NRXN1: variants seen among roughly 807,000 people sequenced by gnomAD.
NRXN1 encodes neurexin 1.
NRXN1 carries 39 observed loss-of-function variants against 150.9 expected under a neutral mutation model. That is an observed-to-expected ratio of 0.26 (90% confidence interval 0.20 to 0.34). The LOEUF is 0.34. Among genes scored for constraint, NRXN1 ranks in the 10% least tolerant of loss-of-function variants. The pLI is 1.00. For synonymous variants in NRXN1, 924 were observed against 757.0 expected, an observed-to-expected ratio of 1.22 and a Z score of -3.62; for missense variants, 1,815 against 1,949.9, an observed-to-expected ratio of 0.93 and a Z score of 1.30.
rs926907363 is a variant in NRXN1 at position 50,578,416 on chromosome 2, T to C, written c.1321-25391A>G. The stretch of plus-strand genomic sequence containing the variant: ...CCCATAACTTTTTAAAAAATTTGTT[T>C]TGAGGTCATGGGAGATTCATATAGA... On this transcript the variant is annotated intron_variant, in intron 8 of 22. Coordinates refer to ENST00000401669, the MANE Select transcript of NRXN1 (RefSeq NM_001330078.2). Among the ~76,000 whole-genome samples the C allele has an allele frequency of 2.0e-5, 3 of 152,150 alleles. 1 individual carries two copies. Among genetic ancestry groups the C allele is most frequent in the Non-Finnish European group, 4.4e-5 (3 of 68,024 alleles).
intron 18 of NRXN1, among the ~76,000 whole-genome samples, chr2:50,191,131 C>T (rs1399880949): frequency 4.0e-5 from 6 of 151,694 alleles, no homozygotes; most frequent in Admixed American, 3.9e-4. Context: ...CAGGTTCAAG[C>T]TTTTCTCCTA....
At chr2:50,503,239 C>A (rs999122087) in intron 13 of NRXN1, among the ~76,000 whole-genome samples, 1 of 150,736 alleles carries the variant, frequency 6.6e-6, no homozygotes, top group African/African-American at 2.4e-5. Flanking sequence ...ATGTAGGAGG[C>A]GGAGGCTGCA....
In NRXN1 at chr2:50,623,469, A is replaced by C; in HGVS notation, c.979T>G (p.Ser327Ala). Residue 327 changes from serine (S) to alanine (A), a missense_variant, in exon 6 of 23, where the codon TCG becomes GCG. Ser to Ala is a moderately conservative substitution (Grantham distance 99, BLOSUM62 1). Around this residue, in one of 6 missense-constraint regions of NRXN1, gnomAD observed 554 missense variants for 478.8 expected, o/e 1.16. Transcript: ENST00000401669. Reference protein sequence around the residue: ...RNGLMLHTGKSADYVNLALKN... With the variant: ...RNGLMLHTGKAADYVNLALKN... ...AGGGCAAGATTGACATAATCAGCCG[A>C]TTTCCCAGTGTGAAGCATCAGTCCA... 1 of 1,613,488 alleles carries C rather than the reference A, an allele frequency of 6.2e-7. No homozygotes were observed. Among genetic ancestry groups the C allele is most frequent in the Non-Finnish European group, 8.5e-7 (1 of 1,179,556 alleles).
At chr2:50,322,304 C>T (rs190930989) in intron 17 of NRXN1, among the ~76,000 whole-genome samples, 1 of 152,128 alleles carries the variant, frequency 6.6e-6, no homozygotes. Context: ...CCAAATACTT[C>T]GTGATTGGAA....
intron 2 of NRXN1, among the ~76,000 whole-genome samples, chr2:50,976,437 C>T (rs1337429703): frequency 2.6e-5 from 4 of 151,802 alleles, no homozygotes; most frequent in Admixed American, 2.0e-4. Context: ...AGTTTTTCTT[C>T]ACTTATGTTT....
Position 50,026,859 on chromosome 2 carries a change from CTTTTTTTTTTTTTTTTTTTTTTTTTT to C in NRXN1, c.4128+26386_4128+26411del, listed in dbSNP as rs57580154. ...TTGCATTGTTTAAGTCTTTTCTTTT[CTTTTTTTTTTTTTTTTTTTTTTTTTT>C]TTTTTTTTTTTTTGAGACGGAGTCT... On this transcript the variant is annotated intron_variant, in intron 21 of 22. Transcript: ENST00000401669. Among the ~76,000 whole-genome samples the C allele has an allele frequency of 6.4e-4, 42 of 65,242 alleles. 1 individual carries two copies. In the Admixed American group the frequency reaches 7.9e-3, roughly 12 times the overall value. The allele number at this position is 65,242 out of a possible 152,430, so 42.8% of individuals were successfully genotyped here.
At chr2:50,988,414 A>T (rs1188923230) in intron 2 of NRXN1, among the ~76,000 whole-genome samples, 1 of 151,956 alleles carries the variant, frequency 6.6e-6, no homozygotes, top group Non-Finnish European at 1.5e-5. Context: ...CTACTATGAC[A>T]AACTAGACAG....
At chr2:50,508,248 T>C (rs575905291) in intron 12 of NRXN1, among the ~76,000 whole-genome samples, 22 of 152,278 alleles carry the variant, frequency 1.4e-4, no homozygotes, top group African/African-American at 5.1e-4. Context: ...TTTATATCTG[T>C]TTGTATCTTT....
intron 18 of NRXN1, among the ~76,000 whole-genome samples, chr2:50,158,012 A>T (rs2059129523): frequency 1.3e-5 from 2 of 151,342 alleles, no homozygotes; most frequent in African/African-American, 2.4e-5. Context: ...TATAAAAAAA[A>T]AGAAATGAAG....
rs111506862 is a variant in NRXN1 at position 50,969,278 on chromosome 2, A to C, written c.773-43323T>G. On this transcript the variant is annotated intron_variant, in intron 2 of 22. Coordinates refer to ENST00000401669, the MANE Select transcript of NRXN1 (RefSeq NM_001330078.2). The stretch of plus-strand genomic sequence containing the variant: ...CCTCAATAATATGAGACTTATAAGA[A>C]ATCTTACTTTTCTTTTGCTTCTTCA... Among the ~76,000 whole-genome samples the C allele has an allele frequency of 4.7e-3, 715 of 152,262 alleles. 1 individual carries two copies. The highest frequency in any genetic ancestry group is 8.6e-3 in the Non-Finnish European group (584 of 68,028).
At chr2:50,019,224 G>T (rs989906855) in intron 21 of NRXN1, 71 of 471,288 alleles carry the variant, frequency 1.5e-4, no homozygotes, top group Non-Finnish European at 2.9e-4. Context: ...CATTCTCTCA[G>T]TTTAGTACTT....
At chr2:50,312,405 G>C (rs957683667) in intron 17 of NRXN1, among the ~76,000 whole-genome samples, 1 of 151,718 alleles carries the variant, frequency 6.6e-6, no homozygotes, top group Admixed American at 6.6e-5. Flanking sequence ...GTGTCTATGA[G>C]ATGGCTGTTC....
chr2:50,617,000 C>T (rs1354283903), intron 8 of NRXN1, among the ~76,000 whole-genome samples: 3 of 152,168 alleles, frequency 2.0e-5, no homozygotes, highest in Admixed American at 2.0e-4. Flanking sequence ...AGTAACTTCA[C>T]AAAGCTGACC....
chr2:50,291,629 C>A (rs988616149), intron 17 of NRXN1, among the ~76,000 whole-genome samples: 8 of 152,136 alleles, frequency 5.3e-5, no homozygotes, highest in African/African-American at 1.9e-4. Context: ...CCGAAGCCTG[C>A]CGAATTTTCA....
At chr2:50,131,966 G>C (rs772038206) in intron 18 of NRXN1, among the ~76,000 whole-genome samples, 1 of 152,204 alleles carries the variant, frequency 6.6e-6, no homozygotes, top group Non-Finnish European at 1.5e-5. Flanking sequence ...GGTTTTCAGT[G>C]AGTGTGTGCG....
chr2:50,315,917 T>C (rs762153308), intron 17 of NRXN1, among the ~76,000 whole-genome samples: 30 of 152,028 alleles, frequency 2.0e-4, no homozygotes, highest in Non-Finnish European at 2.9e-5. Flanking sequence ...AGAATAAAGT[T>C]TAAAGAATTT....
At chr2:50,914,250 G>A (rs1684913173) in intron 5 of NRXN1, among the ~76,000 whole-genome samples, 1 of 151,540 alleles carries the variant, frequency 6.6e-6, no homozygotes, top group African/African-American at 2.4e-5. Flanking sequence ...GCTTTTGGGT[G>A]TTTATGCCTA....
At chr2:50,333,819 T>A (rs553585727) in intron 17 of NRXN1, among the ~76,000 whole-genome samples, 7 of 151,918 alleles carry the variant, frequency 4.6e-5, no homozygotes, top group African/African-American at 1.7e-4. Flanking sequence ...GAAACACTGA[T>A]TTGCCAGCAG....
intron 5 of NRXN1, among the ~76,000 whole-genome samples, chr2:50,805,101 G>GC (rs1667339057): frequency 6.6e-6 from 1 of 152,062 alleles, no homozygotes. Context: ...TTAGAACAAT[G>GC]CCTGCCACAT....
Sources: allele counts gnomAD v4.1 joint callset (sites outside exome capture counted in the v4.1 genomes callset), GRCh38; gene constraint gnomAD v4.1.1; regional missense constraint gnomAD v4.1.1; transcripts MANE v1.5; gene names NCBI Gene and HGNC (gene_info 2026-07-23, HGNC 2026-07-21).